The following CAMTA1 variants were observed in gnomAD, a reference collection of about 807,000 sequenced individuals.
CAMTA1 encodes calmodulin binding transcription activator 1.
Under a neutral mutation model 170.9 loss-of-function variants are expected in CAMTA1, and 27 were observed. The ratio of observed to expected loss-of-function variants is 0.16; its 90% CI spans 0.12 to 0.22. CAMTA1 has a LOEUF of 0.22. CAMTA1 is among the 10% of genes least tolerant of loss of function. The pLI is 1.00. For synonymous variants in CAMTA1, 833 were observed against 891.5 expected (o/e 0.93, Z 1.17); for missense variants, 1,619 against 2,217.2 (o/e 0.73, Z 5.42).
intron 5 of CAMTA1, among the ~76,000 whole-genome samples, chr1:7,406,373 T>C (rs947039295): frequency 6.6e-6 from 1 of 152,160 alleles, no homozygotes; most frequent in African/African-American, 2.4e-5. Flanking sequence ...TCCTGAAAGG[T>C]AGGACATGAG....
intron 5 of CAMTA1, among the ~76,000 whole-genome samples, chr1:7,320,442 G>A (rs1176923884): frequency 6.6e-6 from 1 of 152,142 alleles, no homozygotes; most frequent in Admixed American, 6.5e-5. Flanking sequence ...TCCACTCTAG[G>A]AAAGACATCT....
At chr1:7,363,147 C>T (rs1216313465) in intron 5 of CAMTA1, among the ~76,000 whole-genome samples, 1 of 152,202 alleles carries the variant, frequency 6.6e-6, no homozygotes, top group Non-Finnish European at 1.5e-5. Context: ...TTGTCTGACC[C>T]AAGTGCTAAA....
rs1287763250 is a variant in CAMTA1 at position 7,534,128 on chromosome 1, C to A, written c.510+66227C>A. ...ATCACCGGTCACCCCGCCCGCCAGG[C>A]CCCTGGCAGCCTCATATCTGCCAAT... On this transcript the variant is annotated intron_variant, in intron 6 of 22. Transcript: ENST00000303635. This position sits in a 1 kb window ranked among gnomAD's most constrained non-coding sequence, Gnocchi z 5.6. Among the ~76,000 whole-genome samples the A allele has an allele frequency of 6.6e-6, 1 of 152,190 alleles. No homozygotes were observed. Among genetic ancestry groups the A allele is most frequent in the Non-Finnish European group, 1.5e-5 (1 of 68,032 alleles).
intron 4 of CAMTA1, among the ~76,000 whole-genome samples, chr1:7,206,201 T>A (rs1657707872): frequency 6.6e-6 from 1 of 152,240 alleles, no homozygotes; most frequent in Admixed American, 6.5e-5. Flanking sequence ...ACATGAACTA[T>A]AGTATCAATT....
At chr1:6,920,057 T>G (rs1681674725) in intron 3 of CAMTA1, among the ~76,000 whole-genome samples, 1 of 152,118 alleles carries the variant, frequency 6.6e-6, no homozygotes, top group South Asian at 2.1e-4. Flanking sequence ...AAGTCTCAGC[T>G]CATTTCAGCA....
chr1:6,914,507 C>A (rs1296258111), intron 3 of CAMTA1, among the ~76,000 whole-genome samples: 1 of 152,248 alleles, frequency 6.6e-6, no homozygotes, highest in Non-Finnish European at 1.5e-5. Context: ...GAGGCGGATT[C>A]TCTCACAGGC....
At chr1:7,301,774 T>G (rs1325451751) in intron 5 of CAMTA1, among the ~76,000 whole-genome samples, 1 of 152,178 alleles carries the variant, frequency 6.6e-6, no homozygotes, top group Non-Finnish European at 1.5e-5. Flanking sequence ...AGCCCACTTC[T>G]CGAGGGCAGC....
At chr1:7,254,330 C>A (rs1362072746) in intron 5 of CAMTA1, among the ~76,000 whole-genome samples, 1 of 139,084 alleles carries the variant, frequency 7.2e-6, no homozygotes, top group Non-Finnish European at 1.5e-5. Context: ...GTGGTCACAG[C>A]ACAGAGGCTG....
rs1253539385 is a variant in CAMTA1 at position 7,580,896 on chromosome 1, G to A, written c.511-59504G>A. On this transcript the variant is annotated intron_variant, in intron 6 of 22. Coordinates refer to ENST00000303635, the MANE Select transcript of CAMTA1 (RefSeq NM_015215.4). This position sits in a 1 kb window ranked among gnomAD's most constrained non-coding sequence, Gnocchi z 4.3. Reference sequence around the variant, plus strand: ...GTCCTGACTGTGTGACCTCGAGAAGGTCACATGACCTCGCTGGGCCTCAGT... The same window carrying A: ...GTCCTGACTGTGTGACCTCGAGAAGATCACATGACCTCGCTGGGCCTCAGT... Among the ~76,000 whole-genome samples the A allele has an allele frequency of 6.6e-6, 1 of 152,232 alleles. No homozygotes were observed. Among genetic ancestry groups the A allele is most frequent in the East Asian group, 1.9e-4 (1 of 5,192 alleles).
chr1:7,227,477 G>A (rs192518810), intron 4 of CAMTA1, among the ~76,000 whole-genome samples: 74 of 152,056 alleles, frequency 4.9e-4, no homozygotes, highest in Admixed American at 1.6e-3. Context: ...ACAGGCATGC[G>A]CCACCATGCC....
At chr1:7,105,207 A>AT (rs1344845267) in intron 4 of CAMTA1, among the ~76,000 whole-genome samples, 2 of 152,236 alleles carry the variant, frequency 1.3e-5, no homozygotes, top group Non-Finnish European at 2.9e-5. Flanking sequence ...TTCATAACTT[A>AT]TTTTATTAAG....
Position 7,168,406 on chromosome 1 carries a change from G to A in CAMTA1, c.302+77035G>A, listed in dbSNP as rs528840358. On this transcript the variant is annotated intron_variant, in intron 4 of 22. Transcript: ENST00000303635. ...TATTAGAAGTTCTTTTTGTTTGTTT[G>A]TTTGTTTGTTTTTTGAGACAGAGTC... 5.3e-5 allele frequency among the ~76,000 whole-genome samples: 8 copies of A among 152,156 alleles called. 1 individual carries two copies. In the South Asian group the frequency reaches 1.7e-3, roughly 32 times the overall value.
chr1:7,581,866 G>A (rs2095263545), intron 6 of CAMTA1, among the ~76,000 whole-genome samples: 2 of 152,186 alleles, frequency 1.3e-5, no homozygotes, highest in Admixed American at 6.5e-5. Flanking sequence ...CCATGTCTCA[G>A]TCTCCTCATC....
chr1:7,421,155 CTTT>C (rs751377531), intron 5 of CAMTA1, among the ~76,000 whole-genome samples: 7 of 144,278 alleles, frequency 4.9e-5, no homozygotes, highest in Admixed American at 1.4e-4. Flanking sequence ...TTCTTTCTTT[CTTT>C]TTTTTTTTTT....
chr1:7,543,302 T>G (rs1168006124), intron 6 of CAMTA1, among the ~76,000 whole-genome samples: 1 of 152,198 alleles, frequency 6.6e-6, no homozygotes, highest in Non-Finnish European at 1.5e-5. Flanking sequence ...TCCTTATAAA[T>G]AAATTTTTCA....
At chr1:7,593,138 T>C (rs2095367650) in intron 6 of CAMTA1, among the ~76,000 whole-genome samples, 1 of 152,202 alleles carries the variant, frequency 6.6e-6, no homozygotes, top group African/African-American at 2.4e-5. Context: ...CAGCCAGAGA[T>C]GGCTCGGTAA....
At chr1:7,425,591 C>T (rs1220577417) in intron 5 of CAMTA1, among the ~76,000 whole-genome samples, 1 of 151,976 alleles carries the variant, frequency 6.6e-6, no homozygotes, top group Non-Finnish European at 1.5e-5. Flanking sequence ...TCTAAAGAGC[C>T]AGGCACTTCT....
intron 11 of CAMTA1, among the ~76,000 whole-genome samples, chr1:7,704,644 C>T (rs988471787): frequency 4.7e-5 from 7 of 148,914 alleles, no homozygotes; most frequent in African/African-American, 1.7e-4. Flanking sequence ...GACCACGCGG[C>T]CTGGGGGGCG....
Position 7,665,132 on chromosome 1 carries a change from G to C in CAMTA1, c.2585G>C (p.Gly862Ala), listed in dbSNP as rs752245532. The change falls in exon 9 of 23, where the codon GGC (glycine) becomes GCC (alanine). Residue 862 changes from glycine to alanine, a missense_variant. Gly to Ala is a moderately conservative substitution (Grantham distance 60). Transcript: ENST00000303635. The surrounding 1 kb of genome is among the most constrained non-coding windows in gnomAD (Gnocchi z 4.3). The part of the protein sequence containing the change: ...VSAASAQGTL[G>A]MLQQSGRVFM... The stretch of plus-strand genomic sequence containing the variant: ...GCCGCCTCGGCCCAGGGCACCCTAG[G>C]CATGCTGCAGCAGAGCGGACGGGTG... The C allele has an allele frequency of 6.6e-7, 1 of 1,516,722 alleles. No individual in the cohort carries two copies. Among genetic ancestry groups the C allele is most frequent in the Non-Finnish European group, 8.8e-7 (1 of 1,136,326 alleles). The allele number at this position is 1,516,722 out of a possible 1,614,324, so 94.0% of individuals were successfully genotyped here.
Sources: allele counts gnomAD v4.1 joint callset (sites outside exome capture counted in the v4.1 genomes callset), GRCh38; gene constraint gnomAD v4.1.1; non-coding constraint Gnocchi (gnomAD v3.1); transcripts MANE v1.5; gene names NCBI Gene and HGNC (gene_info 2026-07-23, HGNC 2026-07-21).